Variants in CEP63 observed in about 807,000 individuals in gnomAD.
The protein encoded by CEP63 is centrosomal protein 63.
In CEP63, 84 loss-of-function variants were observed where a neutral mutation model predicts 89.1. The ratio of observed to expected loss-of-function variants is 0.94; its 90% confidence interval spans 0.79 to 1.13. CEP63 has a LOEUF of 1.13. Among genes scored for constraint, CEP63 ranks in the 50% most tolerant of loss-of-function variants. The pLI, the probability that CEP63 is intolerant of heterozygous loss-of-function variation, is 0.00. For synonymous variants in CEP63, 267 were observed against 272.5 expected (o/e 0.98, Z 0.20); for missense variants, 838 against 813.3 (o/e 1.03, Z -0.37).
the CEP63 span, chr3:134,608,427 T>C: frequency 6.7e-7 from 1 of 1,502,726 alleles, no homozygotes; most frequent in South Asian, 1.2e-5. Flanking sequence ...AGTGAGCTTT[T>C]GTCCCTGCTG....
chr3:134,637,235 A>C, the CEP63 span, among the ~76,000 whole-genome samples: 1 of 152,256 alleles, frequency 6.6e-6, no homozygotes, highest in African/African-American at 2.4e-5. Context: ...GGCATAATTC[A>C]GTTCTGGTCG....
At chr3:134,495,101 T>C (rs970608471) in intron 1 of CEP63, among the ~76,000 whole-genome samples, 195 bp from the exon 2 acceptor site, 9 of 152,200 alleles carry the variant, frequency 5.9e-5, no homozygotes, top group African/African-American at 2.2e-4. Context: ...TTTTAAGTTA[T>C]TCTGTTTTAG....
chr3:134,549,766 T>C (rs1954400871), intron 10 of CEP63, among the ~76,000 whole-genome samples: 1 of 152,208 alleles, frequency 6.6e-6, no homozygotes, highest in African/African-American at 2.4e-5. Flanking sequence ...AAAAAAAGAA[T>C]GAAGGTCACA....
chr3:134,747,295 T>G, the CEP63 span, among the ~76,000 whole-genome samples: 4 of 152,236 alleles, frequency 2.6e-5, no homozygotes, highest in African/African-American at 9.6e-5. Context: ...TCTGTTTTGG[T>G]ACCAGTACCA....
chr3:134,645,944 C>T, the CEP63 span, among the ~76,000 whole-genome samples: 5 of 152,208 alleles, frequency 3.3e-5, no homozygotes, highest in Admixed American at 2.0e-4. Context: ...GTATTTCAAT[C>T]CTCTCCTGAT....
At chr3:134,744,312 A>G in the CEP63 span, among the ~76,000 whole-genome samples, 1 of 152,240 alleles carries the variant, frequency 6.6e-6, no homozygotes, top group Non-Finnish European at 1.5e-5. Flanking sequence ...AGAAGGGATC[A>G]TTAGGCTATA....
chr3:134,508,817 T>G (rs1944138016), intron 3 of CEP63, among the ~76,000 whole-genome samples: 1 of 152,180 alleles, frequency 6.6e-6, no homozygotes, highest in Non-Finnish European at 1.5e-5. Flanking sequence ...AATTTAGAAT[T>G]GCAGCTCTCT....
the CEP63 span, among the ~76,000 whole-genome samples, chr3:134,655,874 G>C: frequency 6.6e-6 from 1 of 152,236 alleles, no homozygotes; most frequent in South Asian, 2.1e-4. Flanking sequence ...TGTGGCATCA[G>C]TTGTTTTGGG....
intron 3 of CEP63, among the ~76,000 whole-genome samples, chr3:134,517,989 C>A (rs544733760): frequency 5.3e-5 from 8 of 151,946 alleles, no homozygotes; most frequent in Non-Finnish European, 1.2e-4. Context: ...GAGAAAACTT[C>A]CAAAAGAAAA....
chr3:134,492,722 T>G (rs1938176781), intron 1 of CEP63, among the ~76,000 whole-genome samples: 1 of 152,180 alleles, frequency 6.6e-6, no homozygotes, highest in African/African-American at 2.4e-5. Flanking sequence ...ATTTCTTTTT[T>G]TATTGCAAAG....
the CEP63 span, among the ~76,000 whole-genome samples, chr3:134,664,557 G>A: frequency 6.6e-6 from 1 of 152,204 alleles, no homozygotes; most frequent in Non-Finnish European, 1.5e-5. Context: ...GTGGTGATGT[G>A]CGCACAGGTG....
At chr3:134,619,367 A>G in the CEP63 span, 4 of 844,964 alleles carry the variant, frequency 4.7e-6, no homozygotes, top group Non-Finnish European at 8.2e-6. Context: ...GCCCCAGGAA[A>G]CTACAGTGGG....
At chr3:134,610,219 G>T in the CEP63 span, 1 of 1,613,474 alleles carries the variant, frequency 6.2e-7, no homozygotes. Flanking sequence ...GGAGGTGATG[G>T]TGTCCACCAG....
At chr3:134,682,289 G>A in the CEP63 span, among the ~76,000 whole-genome samples, 1 of 152,124 alleles carries the variant, frequency 6.6e-6, no homozygotes, top group East Asian at 1.9e-4. Flanking sequence ...GTCACTCTGG[G>A]TACCTTTTTA....
At chr3:134,699,352 T>C in the CEP63 span, among the ~76,000 whole-genome samples, 4 of 152,074 alleles carry the variant, frequency 2.6e-5, no homozygotes, top group East Asian at 5.8e-4. Flanking sequence ...GGCCTGGAAG[T>C]TGGGAGGGGA....
chr3:134,505,530 C>A (rs1367736341), intron 2 of CEP63, among the ~76,000 whole-genome samples: 1 of 152,196 alleles, frequency 6.6e-6, no homozygotes, highest in Non-Finnish European at 1.5e-5. Flanking sequence ...GGCTTGTCCT[C>A]AGGCTCCCAG....
chr3:134,716,861 C>T, the CEP63 span, among the ~76,000 whole-genome samples: 2 of 150,814 alleles, frequency 1.3e-5, no homozygotes, highest in African/African-American at 4.9e-5. Context: ...GCAGGACGCT[C>T]AAATCTTCGC....
At chr3:134,491,406 G>C (rs1440466800) in intron 1 of CEP63, among the ~76,000 whole-genome samples, 1 of 152,064 alleles carries the variant, frequency 6.6e-6, no homozygotes, top group Non-Finnish European at 1.5e-5. Context: ...TGTTTCTATA[G>C]ATTTTTTGCC....
the CEP63 span, chr3:134,628,096 T>C: frequency 2.2e-6 from 1 of 460,704 alleles, no homozygotes; most frequent in Non-Finnish European, 4.0e-6. Context: ...CCTAACACTT[T>C]GGGTGATTCA....
Sources: allele counts gnomAD v4.1 joint callset (sites outside exome capture counted in the v4.1 genomes callset), GRCh38; gene constraint gnomAD v4.1.1; transcripts MANE v1.5; gene names NCBI Gene and HGNC (gene_info 2026-07-23, HGNC 2026-07-21).